The following FAT3 variants were observed in gnomAD, a reference collection of about 807,000 sequenced individuals.
The protein encoded by FAT3 is FAT atypical cadherin 3, also known as protocadherin Fat 3.
A neutral mutation model predicts 310.2 loss-of-function variants in FAT3; 95 were observed. The observed-to-expected ratio is 0.31, with a 90% CI of 0.26 to 0.36. FAT3 has a LOEUF of 0.36. Among genes scored for constraint, FAT3 ranks in the 10% least tolerant of loss-of-function variants. FAT3 has a pLI of 1.00. For missense variants in FAT3, 5,408 were observed against 5,715.6 expected (o/e 0.95, Z 1.74); for synonymous variants, 2,314 against 2,192.9 (o/e 1.06, Z -1.54).
At chr11:92,741,074 T>A (rs1444700049) in intron 4 of FAT3, among the ~76,000 whole-genome samples, 1 of 152,144 alleles carries the variant, frequency 6.6e-6, no homozygotes, top group East Asian at 1.9e-4. Flanking sequence ...AGAGTCTCAC[T>A]CTGTCACCCA....
chr11:92,429,838 C>G (rs1268721267), intron 2 of FAT3, among the ~76,000 whole-genome samples: 1 of 152,072 alleles, frequency 6.6e-6, no homozygotes, highest in African/African-American at 2.4e-5. Context: ...CTTGGTGAAT[C>G]TGATGATTAT....
At chr11:92,349,722 G>A (rs1948513291) in intron 1 of FAT3, among the ~76,000 whole-genome samples, 1 of 152,184 alleles carries the variant, frequency 6.6e-6, no homozygotes, top group Admixed American at 6.5e-5. Flanking sequence ...CTTAGCATAT[G>A]CAATGTCTCT....
At chr11:92,301,694 G>A (rs1430614609) in intron 1 of FAT3, among the ~76,000 whole-genome samples, 1 of 151,978 alleles carries the variant, frequency 6.6e-6, no homozygotes, top group African/African-American at 2.4e-5. Flanking sequence ...CCTTTATTCT[G>A]AGTGAGCTTG....
intron 2 of FAT3, among the ~76,000 whole-genome samples, chr11:92,463,798 C>T (rs1453408302): frequency 2.0e-5 from 3 of 152,158 alleles, no homozygotes; most frequent in Non-Finnish European, 4.4e-5. Flanking sequence ...AATGCCTGGA[C>T]ATTAGTTAGA....
At chr11:92,735,147 C>CT (rs35880769) in intron 4 of FAT3, among the ~76,000 whole-genome samples, 87,654 of 151,966 alleles carry the variant, frequency 0.58, 26,863 homozygotes, top group African/African-American at 0.8. Context: ...CTGAAACCAC[C>CT]TGTGCTGAAT....
At chr11:92,410,329 C>T (rs550789569) in intron 2 of FAT3, among the ~76,000 whole-genome samples, 5 of 151,338 alleles carry the variant, frequency 3.3e-5, no homozygotes, top group South Asian at 2.1e-4. Context: ...TGTGTGCACG[C>T]GAGTGAGAGA....
intron 4 of FAT3, among the ~76,000 whole-genome samples, chr11:92,705,630 G>GT (rs1205174881): frequency 7.0e-3 from 1 of 142 alleles, no homozygotes; most frequent in African/African-American, 0.024. Flanking sequence ...TGTGATGGTG[G>GT]TGTGTGATGG....
At chr11:92,583,889 G>A (rs1248933506) in intron 3 of FAT3, among the ~76,000 whole-genome samples, 3 of 148,452 alleles carry the variant, frequency 2.0e-5, no homozygotes, top group African/African-American at 4.9e-5. Context: ...GAGAGAGGGA[G>A]CAGATGAAGT....
At position 92,842,585 on chromosome 11, in the gene FAT3, A is replaced by G. The variant is rs79074937; in HGVS notation, c.10567-1349A>G. Among the ~76,000 whole-genome samples the G allele has an allele frequency of 9.2e-3, 1,395 of 152,374 alleles. 13 individuals carry two copies. The highest frequency in any genetic ancestry group is 0.032 in the African/African-American group (1,319 of 41,596). ...TGTGATGATGGCAATAATAAAAATA[A>G]CAACAGATGGACACAGTGGCTCACA... On this transcript the variant is annotated intron_variant, in intron 18 of 27. Coordinates refer to ENST00000525166, the MANE Select transcript of FAT3 (RefSeq NM_001367949.2).
At position 92,891,025 on chromosome 11, in the gene FAT3, C is replaced by G. The variant is rs780465009; in HGVS notation, c.13682C>G (p.Ala4561Gly). Reference sequence around the variant, plus strand: ...TGCGGCTTTGACGATTCCGAAGTAGCCATGAGTGACTACGAGAGCGTGGGA... The same window carrying G: ...TGCGGCTTTGACGATTCCGAAGTAGGCATGAGTGACTACGAGAGCGTGGGA... Reference protein sequence around the residue: ...ANCGFDDSEVAMSDYESVGEL... With the variant: ...ANCGFDDSEVGMSDYESVGEL... Residue 4561 changes from alanine to glycine, a missense_variant, in exon 28 of 28, where the codon GCC (alanine) becomes GGC (glycine). Ala to Gly is a moderately conservative substitution (Grantham distance 60). Transcript: ENST00000525166. 2.5e-6 allele frequency: 4 copies of G among 1,613,878 alleles called. No individual in the cohort carries two copies. The highest frequency in any genetic ancestry group is 3.4e-6 in the Non-Finnish European group (4 of 1,179,858).
chr11:92,226,932 C>T (rs1863937918), intron 1 of FAT3, among the ~76,000 whole-genome samples: 1 of 152,138 alleles, frequency 6.6e-6, no homozygotes, highest in African/African-American at 2.4e-5. Context: ...CAGACTCTGG[C>T]GCGTTTGTTT....
chr11:92,844,226 T>C lies in FAT3; in HGVS notation c.10859T>C (p.Val3620Ala), dbSNP rs370789919. 2.5e-6 allele frequency: 4 copies of C among 1,613,922 alleles called. No individual in the cohort carries two copies. The highest frequency in any genetic ancestry group is 2.7e-5 in the African/African-American group (2 of 74,932). The part of the protein sequence containing the change: ...GLDSGKYVLN[V>A]SVSDGRFQVP... Reference sequence around the variant, plus strand: ...GACAGCGGCAAGTATGTCCTGAATGTGTCTGTGAGTGATGGTCGCTTCCAG... The same window carrying C: ...GACAGCGGCAAGTATGTCCTGAATGCGTCTGTGAGTGATGGTCGCTTCCAG... Residue 3620 changes from valine to alanine, a missense_variant, in exon 19 of 28, where the codon GTG becomes GCG. Coordinates refer to ENST00000525166, the MANE Select transcript of FAT3 (RefSeq NM_001367949.2).
chr11:92,240,926 T>TC (rs921845030), intron 1 of FAT3, among the ~76,000 whole-genome samples: 2 of 151,760 alleles, frequency 1.3e-5, no homozygotes, highest in African/African-American at 2.4e-5. Flanking sequence ...CCTTGTAGAA[T>TC]CCCCCCCATG....
At chr11:92,497,214 C>T (rs956210711) in intron 2 of FAT3, among the ~76,000 whole-genome samples, 1 of 151,992 alleles carries the variant, frequency 6.6e-6, no homozygotes, top group African/African-American at 2.4e-5. Context: ...CCTTCCATGG[C>T]ACCAGAAAAG....
chr11:92,819,546 G>A (rs1370105609), intron 13 of FAT3, among the ~76,000 whole-genome samples: 1 of 152,118 alleles, frequency 6.6e-6, no homozygotes, highest in African/African-American at 2.4e-5. Flanking sequence ...TGTCACAAAC[G>A]CCTTAACAGT....
chr11:92,773,277 G>T (rs1021558354), intron 6 of FAT3, among the ~76,000 whole-genome samples: 4 of 152,142 alleles, frequency 2.6e-5, no homozygotes, highest in African/African-American at 9.7e-5. Flanking sequence ...GTTATATGTG[G>T]CCAGGGGGTT....
chr11:92,646,897 C>T (rs1425016095), intron 3 of FAT3, among the ~76,000 whole-genome samples: 2 of 152,192 alleles, frequency 1.3e-5, no homozygotes, highest in African/African-American at 4.8e-5. Flanking sequence ...ACAGCATACA[C>T]AATTTCTAAA....
intron 3 of FAT3, among the ~76,000 whole-genome samples, chr11:92,664,012 A>G (rs901103359): frequency 1.3e-5 from 2 of 152,058 alleles, no homozygotes; most frequent in Non-Finnish European, 2.9e-5. Flanking sequence ...TCTTGACACG[A>G]CCCACCCTCC....
intron 2 of FAT3, among the ~76,000 whole-genome samples, chr11:92,475,040 G>A (rs188220895): frequency 1.0e-3 from 154 of 152,072 alleles, no homozygotes; most frequent in African/African-American, 3.5e-3. Flanking sequence ...TCCTTTCTTC[G>A]TACCCACCTT....
Sources: allele counts gnomAD v4.1 joint callset (sites outside exome capture counted in the v4.1 genomes callset), GRCh38; gene constraint gnomAD v4.1.1; transcripts MANE v1.5; gene names NCBI Gene and HGNC (gene_info 2026-07-23, HGNC 2026-07-21).